PIAS4: variants seen among roughly 807,000 people sequenced by gnomAD.
The protein encoded by PIAS4 is protein inhibitor of activated STAT 4.
In PIAS4, 7 loss-of-function variants were observed where a neutral mutation model predicts 58.0. The ratio of observed to expected loss-of-function variants is 0.12; its 90% CI spans 0.07 to 0.23. The LOEUF is 0.23. Ranked by LOEUF, PIAS4 falls within the 10% of genes least tolerant of loss-of-function variation. The pLI is 1.00. For missense variants in PIAS4, 550 were observed against 709.5 expected (o/e 0.78, Z 2.55); for synonymous variants, 364 against 312.4 (o/e 1.17, Z -1.74).
intron 2 of PIAS4, among the ~76,000 whole-genome samples, chr19:4,019,696 C>G (rs1280204029): frequency 6.6e-6 from 1 of 152,284 alleles, no homozygotes; most frequent in Non-Finnish European, 1.5e-5. Flanking sequence ...GGCGGCCTTC[C>G]TCAAGGGCCC....
chr19:4,033,119 T>G lies in PIAS4; in HGVS notation c.927T>G (p.Leu309=), dbSNP rs374489914. The part of the protein sequence containing the change: ...CKALVKEKLR[L]DPDSEIATTG... ...CCACAGTCAAGGAGAAGCTGCGCCT[T>G]GATCCTGACAGCGAGATCGCCACCA... Residue 309 remains leucine (L), a synonymous_variant, in exon 8 of 11, where the codon CTT becomes CTG. Coordinates refer to ENST00000262971, the MANE Select transcript of PIAS4 (RefSeq NM_015897.4). 1.2e-6 allele frequency: 2 copies of G among 1,611,988 alleles called. No homozygotes were observed. The highest frequency in any genetic ancestry group is 1.7e-6 in the Non-Finnish European group (2 of 1,179,818).
chr19:4,022,737 A>G (rs1004051550), intron 2 of PIAS4, among the ~76,000 whole-genome samples: 1 of 147,516 alleles, frequency 6.8e-6, no homozygotes, highest in South Asian at 2.1e-4. Context: ...CAGTGGTGTG[A>G]TCTCCACTCA....
chr19:4,011,571 G>T (rs1465852782), intron 1 of PIAS4, among the ~76,000 whole-genome samples: 1 of 152,254 alleles, frequency 6.6e-6, no homozygotes, highest in Admixed American at 6.5e-5. Context: ...TCCTGCAACA[G>T]CCCCTGTGGC....
At chr19:4,036,140 TCCGTACAGTCCACACCGTCATAC>T (rs2040280699) in intron 9 of PIAS4, among the ~76,000 whole-genome samples, 1 of 97,118 alleles carries the variant, frequency 1.0e-5, no homozygotes. Context: ...CCGTCACACA[TCCGTACAGTCCACACCGTCATAC>T]AAACACACAC....
intron 9 of PIAS4, 70 bp downstream of exon 9, chr19:4,033,650 C>G: frequency 7.8e-7 from 1 of 1,274,976 alleles, no homozygotes; most frequent in Non-Finnish European, 1.1e-6. Context: ...CACCCCGCTT[C>G]CTGCAGACCA....
Position 4,037,928 on chromosome 19 carries a change from C to T in PIAS4, c.*53C>T. 3 of 1,528,014 alleles carry T rather than the reference C, an allele frequency of 2.0e-6. No individual in the cohort carries two copies. Among genetic ancestry groups the T allele is most frequent in the Admixed American group, 2.2e-5 (1 of 46,238 alleles). The allele number at this position is 1,528,014 out of a possible 1,614,324, so 94.7% of individuals were successfully genotyped here. A position where few individuals can be genotyped will look rare whatever the true frequency, so the allele number is the denominator to read the frequency against. On this transcript the variant is annotated 3_prime_UTR_variant, in exon 11 of 11. Coordinates refer to ENST00000262971, the MANE Select transcript of PIAS4 (RefSeq NM_015897.4). The surrounding 1 kb of genome is among the most constrained non-coding windows in gnomAD (Gnocchi z 5.8). Reference sequence around the variant, plus strand: ...TGCTCACCACGCAGAGGGGCACGGGCCAGCCTCGGGCGCAGAGGGAGGAGT... The same window carrying T: ...TGCTCACCACGCAGAGGGGCACGGGTCAGCCTCGGGCGCAGAGGGAGGAGT...
At chr19:4,008,485 A>C (rs1035290759) in intron 1 of PIAS4, among the ~76,000 whole-genome samples, 2 of 151,804 alleles carry the variant, frequency 1.3e-5, no homozygotes, top group South Asian at 4.2e-4. Context: ...CGTCTCTCAC[A>C]CGCCGGAGTG....
chr19:4,025,778 A>G (rs537905555), intron 3 of PIAS4, among the ~76,000 whole-genome samples: 49 of 152,190 alleles, frequency 3.2e-4, no homozygotes, highest in South Asian at 6.2e-4. Flanking sequence ...ACACAGTATA[A>G]AAAAATCAGT....
chr19:4,013,220 C>T lies in PIAS4; in HGVS notation c.325C>T (p.Pro109Ser). ...GCTGGCAGGCCCCAATATTGACTAC[C>T]CCGTGCTCTACGGAAAGTACTTAAA... ...TPLAGPNIDY[P>S]VLYGKYLNGL... The change falls in exon 2 of 11, where the codon CCC becomes TCC. Residue 109 changes from proline to serine, a missense_variant. This residue lies in a region of PIAS4 where 95 missense variants were observed against 87.5 expected (regional missense o/e 1.09). Transcript: ENST00000262971. The surrounding 1 kb of genome is among the most constrained non-coding windows in gnomAD (Gnocchi z 5.1). 3 of 1,613,534 alleles carry T rather than the reference C, an allele frequency of 1.9e-6. No homozygotes were observed. Among genetic ancestry groups the T allele is most frequent in the Non-Finnish European group, 2.5e-6 (3 of 1,180,006 alleles).
At chr19:4,036,369 C>T (rs1337326017) in intron 9 of PIAS4, among the ~76,000 whole-genome samples, 1 of 126,106 alleles carries the variant, frequency 7.9e-6, no homozygotes, top group Non-Finnish European at 1.8e-5. Flanking sequence ...CTATACAGTC[C>T]ACACCGTCAT....
Position 4,037,334 on chromosome 19 carries a change from G to GGGGGGGGGGGGGGGGGC in PIAS4, c.1143-40_1143-39insGGGGGGGGGGGGGGGGC. 2 of 1,511,334 alleles carry GGGGGGGGGGGGGGGGGC rather than the reference G, an allele frequency of 1.3e-6. No homozygotes were observed. Among genetic ancestry groups the GGGGGGGGGGGGGGGGGC allele is most frequent in the Non-Finnish European group, 1.8e-6 (2 of 1,107,428 alleles). 93.6% of individuals were successfully genotyped at this position (1,511,334 alleles called of 1,614,324 possible). Reference sequence around the variant, plus strand: ...AGGGCTGGGGAGTTGGGGGGGTGGGGCACCTCCAGCCCCGGCGTCAGCTGT... The same window carrying GGGGGGGGGGGGGGGGGC: ...AGGGCTGGGGAGTTGGGGGGGTGGGGGGGGGGGGGGGGGGGGCCACCTCCAGCCCCGGCGTCAGCTGT... On this transcript the variant is annotated intron_variant, in intron 9 of 10. Coordinates refer to ENST00000262971, the MANE Select transcript of PIAS4 (RefSeq NM_015897.4). The surrounding 1 kb of genome is among the most constrained non-coding windows in gnomAD (Gnocchi z 5.8).
Position 4,037,377 on chromosome 19 carries a change from C to A in PIAS4, c.1146C>A (p.Leu382=), listed in dbSNP as rs1437889078. ...APYDQLIIDG[L]LSKILSECED... ...TCAGCTGTCCGCCTCGCCCCAGGCT[C>A]CTCTCGAAGATCCTGAGCGAGTGTG... Residue 382 remains leucine (L), a synonymous_variant, in exon 10 of 11, where the codon CTC becomes CTA. Transcript: ENST00000262971. The surrounding 1 kb of genome is among the most constrained non-coding windows in gnomAD (Gnocchi z 5.8). 6.2e-7 allele frequency: 1 copy of A among 1,603,264 alleles called. No individual in the cohort carries two copies. The highest frequency in any genetic ancestry group is 1.3e-5 in the African/African-American group (1 of 74,832).
chr19:4,030,815 C>G (rs2144934639), intron 7 of PIAS4, among the ~76,000 whole-genome samples: 1 of 152,320 alleles, frequency 6.6e-6, no homozygotes. Flanking sequence ...GGACATCTCT[C>G]TGGACCCCAC....
chr19:4,019,941 T>C (rs1346777592), intron 2 of PIAS4, among the ~76,000 whole-genome samples: 1 of 149,596 alleles, frequency 6.7e-6, no homozygotes, highest in Admixed American at 6.6e-5. Flanking sequence ...TTTTTTGAAA[T>C]GGAGTCTCGC....
chr19:4,038,017 C>CAAA lies in PIAS4; in HGVS notation c.*143_*144insAAA. 5 of 783,162 alleles carry CAAA rather than the reference C, an allele frequency of 6.4e-6. No individual in the cohort carries two copies. The highest frequency in any genetic ancestry group is 1.8e-5 in the African/African-American group (1 of 56,796). 48.5% of individuals were successfully genotyped at this position (783,162 alleles called of 1,614,324 possible). On this transcript the variant is annotated 3_prime_UTR_variant, in exon 11 of 11. Transcript: ENST00000262971. This position sits in a 1 kb window ranked among gnomAD's most constrained non-coding sequence, Gnocchi z 4.1. ...TTCCACCCTTTTGCCTGGCTCCTGG[C>CAAA]ACCTGTACCTCTGGACTCTCCTATC...
Position 4,033,414 on chromosome 19 carries a change from C to T in PIAS4, c.982-6C>T. On this transcript the variant is annotated splice_polypyrimidine_tract_variant and splice_region_variant and intron_variant, in intron 8 of 10. Transcript: ENST00000262971. ...GTGCCCTGCTCACGCAGCCCCTCCC[C>T]CACAGCTGGTGAAGATGCGGCTCTC... 6.5e-7 allele frequency: 1 copy of T among 1,549,342 alleles called. No homozygotes were observed. Among genetic ancestry groups the T allele is most frequent in the Non-Finnish European group, 8.7e-7 (1 of 1,147,458 alleles).
At chr19:4,010,188 G>A (rs2039979040) in intron 1 of PIAS4, among the ~76,000 whole-genome samples, 2 of 152,190 alleles carry the variant, frequency 1.3e-5, no homozygotes, top group African/African-American at 4.8e-5. Flanking sequence ...CTGAATGCTT[G>A]TCCCCCCCGC....
In PIAS4 at chr19:4,037,517, C is replaced by T. The variant is rs1240874599; in HGVS notation, c.1273+13C>T. 3.7e-6 allele frequency: 6 copies of T among 1,609,328 alleles called. No homozygotes were observed. The highest frequency in any genetic ancestry group is 2.2e-5 in the East Asian group (1 of 44,868). On this transcript the variant is annotated intron_variant, in intron 10 of 10. Transcript: ENST00000262971. This position sits in a 1 kb window ranked among gnomAD's most constrained non-coding sequence, Gnocchi z 5.8. ...ATCCTCGTGCTGGGTGAGTGCCTCA[C>T]CCCACCAGCCGCGCAGTCCGCAGCC... is the stretch of plus-strand genomic sequence containing the variant.
At chr19:4,036,710 A>G (rs2040296912) in intron 9 of PIAS4, among the ~76,000 whole-genome samples, 1 of 134,038 alleles carries the variant, frequency 7.5e-6, no homozygotes, top group Non-Finnish European at 1.5e-5. Context: ...ACCATCATAC[A>G]CACACACATC....
Sources: gnomAD v4.1 joint callset for allele counts (sites outside exome capture counted in the v4.1 genomes callset) on GRCh38, gnomAD v4.1.1 for gene constraint, gnomAD v4.1.1 regional missense constraint, Gnocchi (gnomAD v3.1) non-coding constraint, MANE v1.5 for transcripts, NCBI Gene and HGNC (gene_info 2026-07-23, HGNC 2026-07-21) for gene names.